SLU7: variants seen among roughly 807,000 people sequenced by gnomAD.
SLU7 encodes the protein pre-mRNA-splicing factor SLU7.
SLU7 carries 60 observed loss-of-function variants against 87.0 expected under a neutral mutation model. The ratio of observed to expected loss-of-function variants is 0.69; its 90% CI spans 0.56 to 0.86. The LOEUF (loss-of-function observed/expected upper bound fraction) is 0.86, where lower values mean the gene tolerates loss of function less well. SLU7 is among the 40% of genes least tolerant of loss of function. The probability of loss-of-function intolerance (pLI) is 0.00; values close to 1 mark genes in which losing one functional copy is unlikely to be tolerated. For synonymous variants in SLU7, 197 were observed against 222.0 expected (o/e 0.89, Z 1.00); for missense variants, 507 against 686.6 (o/e 0.74, Z 2.92).
intron 12 of SLU7, 98 bp downstream of exon 12, chr5:160,406,370 T>A: frequency 1.1e-6 from 1 of 909,982 alleles, no homozygotes; most frequent in Non-Finnish European, 1.6e-6. Flanking sequence ...TTTTAAAGCA[T>A]AGAGAATACA....
chr5:160,408,379 T>TG lies in SLU7; in HGVS notation c.768dup (p.Lys257GlnfsTer30). The TG allele has an allele frequency of 6.2e-7, 1 of 1,612,294 alleles. No individual in the cohort carries two copies. The highest frequency in any genetic ancestry group is 8.5e-7 in the Non-Finnish European group (1 of 1,179,128). On this transcript the variant is annotated frameshift_variant, in exon 8 of 16. Coordinates refer to ENST00000297151, the MANE Select transcript of SLU7 (RefSeq NM_006425.5). LOFTEE classifies it high-confidence loss of function. ...AGATTCCGGACAGTAATTCGTCTCTTGGAGTCAAAATTCTGTCCAGGCATG... is the reference window on the plus strand; with the variant it reads ...AGATTCCGGACAGTAATTCGTCTCTTGGGAGTCAAAATTCTGTCCAGGCATG...
intron 6 of SLU7, among the ~76,000 whole-genome samples, chr5:160,411,894 T>C (rs748830167): frequency 4.8e-4 from 73 of 152,090 alleles, no homozygotes; most frequent in Non-Finnish European, 9.0e-4. Flanking sequence ...ACTAAAGAAA[T>C]AGAAAGAAAA....
Position 160,403,090 on chromosome 5 carries a change from C to A in SLU7, c.*195G>T, listed in dbSNP as rs1764852892. 5.1e-6 allele frequency: 2 copies of A among 392,102 alleles called. No individual in the cohort carries two copies. The highest frequency in any genetic ancestry group is 1.3e-4 in the South Asian group (1 of 7,958). The allele number at this position is 392,102 out of a possible 1,614,324, so 24.3% of individuals were successfully genotyped here. A position where few individuals can be genotyped will look rare whatever the true frequency, so the allele number is the denominator to read the frequency against. ...ATTTTAAATTCTATTCCCAAAAGCA[C>A]ACTTCATGTGCCTCTTCTTCTTTTC... On this transcript the variant is annotated 3_prime_UTR_variant, in exon 16 of 16. Transcript: ENST00000297151.
Position 160,401,774 on chromosome 5 carries a change from A to T in SLU7, c.*1511T>A, listed in dbSNP as rs898643894. 1 of 152,260 alleles carries T rather than the reference A, an allele frequency of 6.6e-6. No homozygotes were observed. Among genetic ancestry groups the T allele is most frequent in the Admixed American group, 6.5e-5 (1 of 15,292 alleles). 9.4% of individuals were successfully genotyped at this position (152,260 alleles called of 1,614,324 possible). ...ATTGTTTTTCATTCTTAAAGTAAAT[A>T]GGAATTAAATCTATTTGCATTGCTG... On this transcript the variant is annotated 3_prime_UTR_variant, in exon 16 of 16. Transcript: ENST00000297151.
intron 6 of SLU7, among the ~76,000 whole-genome samples, chr5:160,412,152 T>A (rs541511027): frequency 2.6e-5 from 4 of 152,188 alleles, no homozygotes; most frequent in Non-Finnish European, 2.9e-5. Context: ...TGTACTATCT[T>A]TATGCATCAT....
rs745584302 is a variant in SLU7, at chr5:160,404,503, CTTCTTT to C, written c.1512_1517del (p.Lys506_Lys507del). On this transcript the variant is annotated inframe_deletion, in exon 15 of 16. Transcript: ENST00000297151. The stretch of plus-strand genomic sequence containing the variant: ...TATCTGAACTGCTCTTTCGATGCTT[CTTCTTT>C]TTCTTTTTCTTCTTCTTCTTTTCCT... The C allele has an allele frequency of 1.5e-5, 24 of 1,611,810 alleles. No individual in the cohort carries two copies. The highest frequency in any genetic ancestry group is 4.0e-5 in the African/African-American group (3 of 74,776).
At chr5:160,415,020 C>A (rs1765393025) in intron 2 of SLU7, 105 bp downstream of exon 2, 3 of 974,496 alleles carry the variant, frequency 3.1e-6, no homozygotes, top group Non-Finnish European at 4.5e-6. Context: ...ACAAAAATGA[C>A]ATAAATGAAG....
At position 160,406,197 on chromosome 5, in the gene SLU7, T is replaced by C. The variant is rs551095375; in HGVS notation, c.1287+271A>G. ...TATATATGTGTATTTTACATATATATGTAAAACTGTGCATATGCACACATA... is the reference window on the plus strand; with the variant it reads ...TATATATGTGTATTTTACATATATACGTAAAACTGTGCATATGCACACATA... On this transcript the variant is annotated intron_variant, in intron 12 of 15. Coordinates refer to ENST00000297151, the MANE Select transcript of SLU7 (RefSeq NM_006425.5). 6.6e-4 allele frequency among the ~76,000 whole-genome samples: 100 copies of C among 152,308 alleles called. 2 individuals are homozygous for C. Among genetic ancestry groups the C allele is most frequent in the African/African-American group, 2.3e-3 (95 of 41,562 alleles).
chr5:160,404,683 G>T, intron 14 of SLU7, 126 bp downstream of exon 14: 2 of 867,134 alleles, frequency 2.3e-6, no homozygotes, highest in Non-Finnish European at 3.7e-6. Context: ...CCCAGACCGT[G>T]CACTGCGCTC....
At position 160,408,015 on chromosome 5, in the gene SLU7, T is replaced by C; in HGVS notation, c.873A>G (p.Ala291=). 6.2e-7 allele frequency: 1 copy of C among 1,613,310 alleles called. No individual in the cohort carries two copies. The highest frequency in any genetic ancestry group is 8.5e-7 in the Non-Finnish European group (1 of 1,179,326). The change falls in exon 9 of 16, where the codon GCA becomes GCG. Residue 291 remains alanine (A), a synonymous_variant. Transcript: ENST00000297151. ...CATTGGCATAAGGATTCTCTCTCAT[T>C]GCTCTAGTTTTTGGATCATAGTAGG... ...NSAYYDPKTR[A]MRENPYANAG...
At position 160,402,032 on chromosome 5, in the gene SLU7, T is replaced by C. The variant is rs13361481; in HGVS notation, c.*1253A>G. The stretch of plus-strand genomic sequence containing the variant: ...TCTACTGTCAGTATTATCTTCACAG[T>C]GTTCTGAGAAGAGGCTTCAGGATCA... On this transcript the variant is annotated 3_prime_UTR_variant, in exon 16 of 16. Coordinates refer to ENST00000297151, the MANE Select transcript of SLU7 (RefSeq NM_006425.5). The C allele has an allele frequency of 4.6e-5, 7 of 152,186 alleles. No homozygotes were observed. The highest frequency in any genetic ancestry group is 1.9e-4 in the East Asian group (1 of 5,198). The allele number at this position is 152,186 out of a possible 1,614,324, so 9.4% of individuals were successfully genotyped here.
chr5:160,407,869 G>T lies in SLU7; in HGVS notation c.918-56C>A, dbSNP rs1459790237. 37 of 1,501,102 alleles carry T rather than the reference G, an allele frequency of 2.5e-5. No homozygotes were observed. The highest frequency in any genetic ancestry group is 3.4e-4 in the Middle Eastern group (2 of 5,844). 93.0% of individuals were successfully genotyped at this position (1,501,102 alleles called of 1,614,324 possible). ...AGATTGATTTAAGGAAAATTAATTCGTAAAACTGAATCTGAATTAAAATGA... is the reference window on the plus strand; with the variant it reads ...AGATTGATTTAAGGAAAATTAATTCTTAAAACTGAATCTGAATTAAAATGA... On this transcript the variant is annotated intron_variant, in intron 9 of 15. Coordinates refer to ENST00000297151, the MANE Select transcript of SLU7 (RefSeq NM_006425.5). This position sits in a 1 kb window ranked among gnomAD's most constrained non-coding sequence, Gnocchi z 4.2.
At chr5:160,414,689 A>T (rs10079719) in intron 2 of SLU7, among the ~76,000 whole-genome samples, 2 of 152,176 alleles carry the variant, frequency 1.3e-5, no homozygotes, top group African/African-American at 4.8e-5. Flanking sequence ...TAAGAAACTA[A>T]GAATAGTGAT....
chr5:160,404,722 T>G, intron 14 of SLU7, 87 bp downstream of exon 14: 1 of 1,027,966 alleles, frequency 9.7e-7, no homozygotes, highest in Admixed American at 2.2e-5. Flanking sequence ...GAGATTCTGT[T>G]TCAAAAGAAA....
At position 160,404,572 on chromosome 5, in the gene SLU7, G is replaced by T; in HGVS notation, c.1465-16C>A. On this transcript the variant is annotated splice_polypyrimidine_tract_variant and intron_variant, in intron 14 of 15. Coordinates refer to ENST00000297151, the MANE Select transcript of SLU7 (RefSeq NM_006425.5). Reference sequence around the variant, plus strand: ...CTTGATGCAGCTGAAAGGGAGGATTGAAATGCAGTGTTATTAATGTGAAAA... The same window carrying T: ...CTTGATGCAGCTGAAAGGGAGGATTTAAATGCAGTGTTATTAATGTGAAAA... 2 of 1,475,014 alleles carry T rather than the reference G, an allele frequency of 1.4e-6. No individual in the cohort carries two copies. The highest frequency in any genetic ancestry group is 1.9e-6 in the Non-Finnish European group (2 of 1,060,402). 91.4% of individuals were successfully genotyped at this position (1,475,014 alleles called of 1,614,324 possible). A position where few individuals can be genotyped will look rare whatever the true frequency, so the allele number is the denominator to read the frequency against.
In SLU7 at chr5:160,414,417, G is replaced by C. The variant is rs1214062342; in HGVS notation, c.226C>G (p.Pro76Ala). 6.2e-7 allele frequency: 1 copy of C among 1,610,054 alleles called. No individual in the cohort carries two copies. Among genetic ancestry groups the C allele is most frequent in the Non-Finnish European group, 8.5e-7 (1 of 1,177,504 alleles). ...TGTTTTAAAGTAGGTCTTTTTGAAG[G>C]ATCAATATACCATGGCACTGAAGAA... ...YISSVPWYID[P>A]SKRPTLKHQR... The change falls in exon 3 of 16, where the codon CCT becomes GCT. Residue 76 changes from proline (P) to alanine (A), a missense_variant. Transcript: ENST00000297151.
intron 15 of SLU7, 115 bp from the exon 16 acceptor site, chr5:160,403,579 G>T: frequency 1.2e-6 from 1 of 843,292 alleles, no homozygotes; most frequent in Non-Finnish European, 1.7e-6. Flanking sequence ...CAAAAACGCA[G>T]ATTGCCTGAA....
rs753045920 is a variant in SLU7 at position 160,413,605 on chromosome 5, C to T, written c.421G>A (p.Gly141Arg). 6 of 1,611,992 alleles carry T rather than the reference C, an allele frequency of 3.7e-6. No homozygotes were observed. The African/African-American group carries it at 8.0e-5, about 22-fold the overall frequency. ...KDCFERPRRVGAKFTGTNIAP... is the reference protein window; with the variant it reads ...KDCFERPRRVRAKFTGTNIAP... ...ATATTAGTACCTGTAAATTTGGCTC[C>T]AACTCGCCTAGGTCTCTAAAAACAG... The change falls in exon 5 of 16, where the codon GGA becomes AGA. Residue 141 changes from glycine (G) to arginine (R), a missense_variant. Physicochemically the swap from Gly to Arg is moderately radical, Grantham distance 125. Coordinates refer to ENST00000297151, the MANE Select transcript of SLU7 (RefSeq NM_006425.5).
chr5:160,407,947 C>G lies in SLU7; in HGVS notation c.917+24G>C. The G allele has an allele frequency of 6.5e-7, 1 of 1,545,354 alleles. No homozygotes were observed. The highest frequency in any genetic ancestry group is 8.9e-7 in the Non-Finnish European group (1 of 1,118,286). On this transcript the variant is annotated intron_variant, in intron 9 of 15. Coordinates refer to ENST00000297151, the MANE Select transcript of SLU7 (RefSeq NM_006425.5). The surrounding 1 kb of genome is among the most constrained non-coding windows in gnomAD (Gnocchi z 4.2). Reference sequence around the variant, plus strand: ...AATTAACTTTCTCTCATCTTAAAATCTGTACATTTAACTTGATACTTACTC... The same window carrying G: ...AATTAACTTTCTCTCATCTTAAAATGTGTACATTTAACTTGATACTTACTC...
Sources: allele counts gnomAD v4.1 joint callset (sites outside exome capture counted in the v4.1 genomes callset), GRCh38; gene constraint gnomAD v4.1.1; non-coding constraint Gnocchi (gnomAD v3.1); transcripts MANE v1.5; gene names NCBI Gene and HGNC (gene_info 2026-07-23, HGNC 2026-07-21).